The following KCNIP4 variants were observed in gnomAD, a reference collection of about 807,000 sequenced individuals.
KCNIP4 encodes the protein Kv channel-interacting protein 4.
Under a neutral mutation model 34.0 loss-of-function variants are expected in KCNIP4, and 12 were observed. That is an observed-to-expected ratio of 0.35 (90% CI 0.23 to 0.57). The LOEUF (loss-of-function observed/expected upper bound fraction) is 0.57, where lower values mean the gene tolerates loss of function less well. KCNIP4 is among the 20% of genes least tolerant of loss of function. The pLI is 0.83. For synonymous variants in KCNIP4, 124 were observed against 102.2 expected, an observed-to-expected ratio of 1.21 and a Z score of -1.29; for missense variants, 238 against 311.7, an observed-to-expected ratio of 0.76 and a Z score of 1.78.
intron 1 of KCNIP4, among the ~76,000 whole-genome samples, chr4:21,422,985 C>T (rs188893258): frequency 4.5e-4 from 69 of 152,230 alleles, no homozygotes; most frequent in African/African-American, 1.6e-3. Context: ...GTAATGAATG[C>T]CATTACATAC....
chr4:20,849,178 T>A (rs1720734531), intron 3 of KCNIP4, among the ~76,000 whole-genome samples: 2 of 152,164 alleles, frequency 1.3e-5, no homozygotes, highest in Admixed American at 6.5e-5. Flanking sequence ...TCTGTGTGTG[T>A]GGTGAGCACT....
At chr4:21,924,583 T>C (rs566619886) in intron 1 of KCNIP4, among the ~76,000 whole-genome samples, 1 of 152,098 alleles carries the variant, frequency 6.6e-6, no homozygotes, top group African/African-American at 2.4e-5. Context: ...GTCTTTGGAT[T>C]AGGCTTCTGG....
intron 1 of KCNIP4, among the ~76,000 whole-genome samples, chr4:21,467,742 T>C (rs559614809): frequency 6.6e-6 from 1 of 152,280 alleles, no homozygotes; most frequent in East Asian, 1.9e-4. Context: ...AAAAAGAGCA[T>C]GGTGTTTTCT....
intron 1 of KCNIP4, among the ~76,000 whole-genome samples, chr4:21,685,889 T>C (rs1184129232): frequency 1.3e-5 from 2 of 152,186 alleles, no homozygotes; most frequent in African/African-American, 2.4e-5. Flanking sequence ...GGAAGGAACA[T>C]TTGCATGTAT....
intron 1 of KCNIP4, among the ~76,000 whole-genome samples, chr4:21,888,277 A>C (rs1726899312): frequency 6.6e-6 from 1 of 152,132 alleles, no homozygotes; most frequent in Admixed American, 6.6e-5. Flanking sequence ...AAAGAAGAGT[A>C]AGGGAAAACT....
intron 1 of KCNIP4, among the ~76,000 whole-genome samples, chr4:21,670,646 A>C: frequency 6.6e-6 from 1 of 152,128 alleles, no homozygotes; most frequent in East Asian, 1.9e-4. Flanking sequence ...ACAGAATCTA[A>C]AAAATATATG....
chr4:20,825,066 C>T (rs1387667253), intron 3 of KCNIP4, among the ~76,000 whole-genome samples: 1 of 152,128 alleles, frequency 6.6e-6, no homozygotes, highest in Non-Finnish European at 1.5e-5. Flanking sequence ...CCCAAACTCT[C>T]ACTAGTATCT....
intron 1 of KCNIP4, among the ~76,000 whole-genome samples, chr4:21,626,225 GT>G (rs944941842): frequency 1.2e-4 from 19 of 152,058 alleles, no homozygotes; most frequent in African/African-American, 4.6e-4. Flanking sequence ...GAATGTTTGT[GT>G]TCCTCCTAAA....
At chr4:21,225,976 C>T (rs1053829419) in intron 1 of KCNIP4, among the ~76,000 whole-genome samples, 1 of 151,832 alleles carries the variant, frequency 6.6e-6, no homozygotes, top group African/African-American at 2.4e-5. Context: ...AAAGCCATCA[C>T]CTAATTATTA....
At chr4:21,289,061 C>T (rs1763285453) in intron 1 of KCNIP4, among the ~76,000 whole-genome samples, 1 of 152,046 alleles carries the variant, frequency 6.6e-6, no homozygotes, top group East Asian at 1.9e-4. Context: ...ACACAGTGTG[C>T]TTTTAGGGGG....
intron 1 of KCNIP4, among the ~76,000 whole-genome samples, chr4:21,544,220 AG>A (rs1737947430): frequency 6.6e-6 from 1 of 151,616 alleles, no homozygotes; most frequent in Non-Finnish European, 1.5e-5. Flanking sequence ...ACCTAGAGTC[AG>A]CCTATGAGAA....
intron 1 of KCNIP4, among the ~76,000 whole-genome samples, chr4:21,335,617 G>A (rs1299040558): frequency 6.6e-6 from 1 of 152,124 alleles, no homozygotes; most frequent in Non-Finnish European, 1.5e-5. Context: ...ATTAGTACAA[G>A]AAAATAGGTG....
At chr4:21,488,301 C>T (rs1197633419) in intron 1 of KCNIP4, among the ~76,000 whole-genome samples, 1 of 152,120 alleles carries the variant, frequency 6.6e-6, no homozygotes, top group Admixed American at 6.6e-5. Flanking sequence ...ATTCACCATC[C>T]ATTTATTTAA....
At chr4:20,746,073 C>T (rs183716288) in intron 5 of KCNIP4, among the ~76,000 whole-genome samples, 11 of 152,296 alleles carry the variant, frequency 7.2e-5, no homozygotes, top group Admixed American at 7.2e-4. Context: ...AAGACACATA[C>T]ACATGTATAT....
At chr4:21,753,357 G>T (rs1717281829) in intron 1 of KCNIP4, among the ~76,000 whole-genome samples, 1 of 149,268 alleles carries the variant, frequency 6.7e-6, no homozygotes. Flanking sequence ...GGCTATTTTA[G>T]AGGCCATCAC....
chr4:21,190,229 C>G (rs1560794690), intron 1 of KCNIP4, among the ~76,000 whole-genome samples: 1 of 152,120 alleles, frequency 6.6e-6, no homozygotes, highest in African/African-American at 2.4e-5. Flanking sequence ...TCTTGGAGTT[C>G]TGATTACAGA....
intron 1 of KCNIP4, among the ~76,000 whole-genome samples, chr4:21,306,864 A>G (rs1047922512): frequency 6.6e-6 from 1 of 151,746 alleles, no homozygotes; most frequent in African/African-American, 2.4e-5. Flanking sequence ...CTTGTTGCCC[A>G]CATTGGAGTG....
chr4:21,217,998 T>A (rs554409863), intron 1 of KCNIP4, among the ~76,000 whole-genome samples: 110 of 149,490 alleles, frequency 7.4e-4, no homozygotes, highest in African/African-American at 1.4e-3. Flanking sequence ...TTTTTTTTTT[T>A]AAATTTATTT....
intron 1 of KCNIP4, among the ~76,000 whole-genome samples, chr4:20,900,343 C>G (rs1225332546): frequency 6.6e-6 from 1 of 152,164 alleles, no homozygotes; most frequent in African/African-American, 2.4e-5. Context: ...AGTCTGAAAA[C>G]TAACGGAGTG....
Sources: gnomAD v4.1 joint callset for allele counts (sites outside exome capture counted in the v4.1 genomes callset) on GRCh38, gnomAD v4.1.1 for gene constraint, MANE v1.5 for transcripts, NCBI Gene and HGNC (gene_info 2026-07-23, HGNC 2026-07-21) for gene names.